Variants in PABPC4L observed in about 807,000 individuals in gnomAD.
The protein encoded by PABPC4L is poly(A) binding protein cytoplasmic 4 like.
For synonymous variants in PABPC4L, 169 were observed against 164.1 expected (o/e 1.03, Z -0.23); for missense variants, 452 against 451.4 (o/e 1.00, Z -0.01).
At chr4:134,168,699 A>G in the PABPC4L span, among the ~76,000 whole-genome samples, 1 of 152,014 alleles carries the variant, frequency 6.6e-6, no homozygotes, top group African/African-American at 2.4e-5. Flanking sequence ...GACACATAAA[A>G]CCTACCAAGA....
chr4:133,988,594 C>G, the PABPC4L span, among the ~76,000 whole-genome samples: 12 of 152,234 alleles, frequency 7.9e-5, no homozygotes, highest in African/African-American at 2.9e-4. Flanking sequence ...CCCTGTGGCT[C>G]TGCAGGATAC....
chr4:133,950,937 G>T, the PABPC4L span, among the ~76,000 whole-genome samples: 2 of 152,148 alleles, frequency 1.3e-5, no homozygotes, highest in African/African-American at 4.8e-5. Context: ...CCAAAGGTTT[G>T]TATCACTCCA....
chr4:134,144,014 T>A, the PABPC4L span, among the ~76,000 whole-genome samples: 2 of 151,632 alleles, frequency 1.3e-5, no homozygotes, highest in African/African-American at 4.8e-5. Context: ...GAAAAGATCA[T>A]ATGCCTTAAT....
chr4:134,162,844 C>T, the PABPC4L span, among the ~76,000 whole-genome samples: 2 of 151,706 alleles, frequency 1.3e-5, no homozygotes, highest in African/African-American at 4.8e-5. Context: ...GTATAAAGAC[C>T]TCTGGGATAC....
At chr4:134,107,123 A>AT in the PABPC4L span, among the ~76,000 whole-genome samples, 9 of 150,610 alleles carry the variant, frequency 6.0e-5, 1 homozygote, top group Admixed American at 1.3e-4. Flanking sequence ...AGTCTTCTAA[A>AT]TTTTTTTTTC....
the PABPC4L span, among the ~76,000 whole-genome samples, chr4:134,009,033 A>G: frequency 6.6e-6 from 1 of 151,886 alleles, no homozygotes; most frequent in African/African-American, 2.4e-5. Flanking sequence ...ATTATTGGCT[A>G]TTAAAACACC....
chr4:134,078,653 T>C, the PABPC4L span, among the ~76,000 whole-genome samples: 1 of 6,624 alleles, frequency 1.5e-4, no homozygotes, highest in East Asian at 0.1. Context: ...TTTTGTAGCT[T>C]TTTTTTTTTT....
chr4:134,025,090 G>T, the PABPC4L span, among the ~76,000 whole-genome samples: 1 of 150,632 alleles, frequency 6.6e-6, no homozygotes, highest in Admixed American at 6.6e-5. Context: ...CAGCACTTTG[G>T]GAGGCCAAGG....
At chr4:134,169,841 T>C in the PABPC4L span, among the ~76,000 whole-genome samples, 1 of 152,150 alleles carries the variant, frequency 6.6e-6, no homozygotes, top group Non-Finnish European at 1.5e-5. Flanking sequence ...AAAAATTGTT[T>C]TGTTATTATC....
At chr4:134,050,698 C>T in the PABPC4L span, among the ~76,000 whole-genome samples, 38 of 90,594 alleles carry the variant, frequency 4.2e-4, no homozygotes, top group East Asian at 5.7e-3. Context: ...GAACAAGACA[C>T]CGTCTCCCAA....
chr4:134,105,160 G>C, the PABPC4L span, among the ~76,000 whole-genome samples: 1 of 151,576 alleles, frequency 6.6e-6, no homozygotes, highest in Non-Finnish European at 1.5e-5. Context: ...AAATGAGGTC[G>C]TTAGTGAAAA....
the PABPC4L span, among the ~76,000 whole-genome samples, chr4:134,078,820 T>A: frequency 1.4e-5 from 2 of 148,130 alleles, no homozygotes; most frequent in South Asian, 2.1e-4. Context: ...GCCTGGCTAA[T>A]TTTTTTTTCT....
the PABPC4L span, among the ~76,000 whole-genome samples, chr4:134,059,318 A>G: frequency 1.3e-5 from 2 of 151,484 alleles, no homozygotes; most frequent in Non-Finnish European, 2.9e-5. Context: ...CTTATCATAC[A>G]AGACAAGGAT....
the PABPC4L span, among the ~76,000 whole-genome samples, chr4:134,039,812 C>T: frequency 0.31 from 47,606 of 151,604 alleles, 8,841 homozygotes; most frequent in East Asian, 0.92. Context: ...GGGTATTTAG[C>T]CCATTTACAT....
chr4:134,149,916 A>ATT, the PABPC4L span, among the ~76,000 whole-genome samples: 1 of 152,068 alleles, frequency 6.6e-6, no homozygotes, highest in Non-Finnish European at 1.5e-5. Context: ...TCTACTGCTA[A>ATT]TTGGTTAGCA....
chr4:134,047,438 T>A, the PABPC4L span, among the ~76,000 whole-genome samples: 1 of 152,134 alleles, frequency 6.6e-6, no homozygotes, highest in Non-Finnish European at 1.5e-5. Context: ...TCTGTTTACA[T>A]CTGAAATAAA....
chr4:134,100,694 A>G, the PABPC4L span, among the ~76,000 whole-genome samples: 3 of 151,654 alleles, frequency 2.0e-5, no homozygotes, highest in Admixed American at 2.0e-4. Flanking sequence ...GAAACATATC[A>G]TCTCACTTGG....
the PABPC4L span, among the ~76,000 whole-genome samples, chr4:134,110,210 T>A: frequency 6.6e-6 from 1 of 151,844 alleles, no homozygotes; most frequent in Non-Finnish European, 1.5e-5. Context: ...GTTAAATGAA[T>A]AAAGAAAGTA....
At chr4:134,061,661 T>G in the PABPC4L span, among the ~76,000 whole-genome samples, 4 of 99,726 alleles carry the variant, frequency 4.0e-5, no homozygotes, top group African/African-American at 7.9e-5. Flanking sequence ...AGAGAGAGAT[T>G]GGAGATATTA....
Sources: gnomAD v4.1 joint callset for allele counts (sites outside exome capture counted in the v4.1 genomes callset) on GRCh38, gnomAD v4.1.1 for gene constraint, MANE v1.5 for transcripts, NCBI Gene and HGNC (gene_info 2026-07-23, HGNC 2026-07-21) for gene names.